Variants in PCDH15 observed in about 807,000 individuals in gnomAD.
PCDH15 encodes protocadherin-15.
In PCDH15, 129 loss-of-function variants were observed where a neutral mutation model predicts 178.5. The observed-to-expected ratio is 0.72, with a 90% CI of 0.63 to 0.84. The LOEUF is 0.84. Among genes scored for constraint, PCDH15 ranks in the 40% least tolerant of loss-of-function variants. PCDH15 has a pLI of 0.00. For synonymous variants in PCDH15, 800 were observed against 732.0 expected (o/e 1.09, Z -1.50); for missense variants, 2,230 against 2,099.9 (o/e 1.06, Z -1.21).
At position 53,823,110 on chromosome 10, in the gene PCDH15, T is replaced by A. The variant is rs780662896; in HGVS notation, c.4368-2880A>T. On this transcript the variant is annotated intron_variant, in intron 32 of 37. Coordinates refer to ENST00000644397, the MANE Select transcript of PCDH15 (RefSeq NM_001384140.1). The stretch of plus-strand genomic sequence containing the variant: ...ATCTGTTCTCTGTGAAATGTCTGAA[T>A]TTGTTGATACTTGACTTATGTTTTC... 1.9e-6 allele frequency: 3 copies of A among 1,614,034 alleles called. No individual in the cohort carries two copies. The highest frequency in any genetic ancestry group is 2.5e-6 in the Non-Finnish European group (3 of 1,179,960).
At chr10:54,291,605 TCAAA>T (rs2059411963) in intron 8 of PCDH15, among the ~76,000 whole-genome samples, 2 of 151,826 alleles carry the variant, frequency 1.3e-5, no homozygotes, top group African/African-American at 4.8e-5. Context: ...GAGAGAAGAA[TCAAA>T]CAGACACAAT....
At chr10:55,009,736 A>C (rs1457177497) in intron 2 of PCDH15, among the ~76,000 whole-genome samples, 1 of 152,302 alleles carries the variant, frequency 6.6e-6, no homozygotes, top group Middle Eastern at 3.4e-3. Context: ...TTAACTTTGC[A>C]ATCGAAAACT....
chr10:54,787,572 A>T (rs1729858633), intron 1 of PCDH15, among the ~76,000 whole-genome samples: 1 of 151,868 alleles, frequency 6.6e-6, no homozygotes, highest in Non-Finnish European at 1.5e-5. Context: ...TCTAAAAGTG[A>T]CTCTTCTCCA....
rs373297399 is a variant in PCDH15, at chr10:54,993,778, T to C, written c.-79-96278A>G. ...AAGAGAGGAATTAGTAATACAGAAA[T>C]GAGAAAATCTACAGTGAAAATATAT... On this transcript the variant is annotated intron_variant, in intron 2 of 5. Transcript: ENST00000458638. 1.8e-4 allele frequency among the ~76,000 whole-genome samples: 27 copies of C among 152,154 alleles called. No individual in the cohort carries two copies. The South Asian group carries it at 2.1e-3, about 12-fold the overall frequency.
chr10:54,179,677 G>C (rs1036074635), intron 13 of PCDH15, among the ~76,000 whole-genome samples: 1 of 152,102 alleles, frequency 6.6e-6, no homozygotes, highest in African/African-American at 2.4e-5. Flanking sequence ...TATTAGAACT[G>C]TTTCAATTTC....
chr10:53,823,457 A>G, intron 32 of PCDH15: 1 of 1,135,812 alleles, frequency 8.8e-7, no homozygotes, highest in South Asian at 1.2e-5. Context: ...TTAAATACTT[A>G]AAAACATCAA....
chr10:55,363,526 A>C (rs1845279700), intron 2 of PCDH15, among the ~76,000 whole-genome samples: 1 of 152,198 alleles, frequency 6.6e-6, no homozygotes, highest in African/African-American at 2.4e-5. Context: ...CTGACCCACT[A>C]TCTTTACATT....
intron 2 of PCDH15, among the ~76,000 whole-genome samples, chr10:55,029,705 A>G (rs1840561807): frequency 1.3e-5 from 2 of 152,092 alleles, no homozygotes; most frequent in East Asian, 1.9e-4. Context: ...ATTCTTGTGT[A>G]TTTGAATTCG....
In PCDH15 at chr10:54,151,822, A is replaced by G. The variant is rs1413301919; in HGVS notation, c.1784+1278T>C. ...AAAAACACTGAACTAGCTTATTTAA[A>G]GTCAAAGAGAAAACTTAACAGAAGG... On this transcript the variant is annotated intron_variant, in intron 14 of 37. Transcript: ENST00000644397. Among the ~76,000 whole-genome samples, 5 of 152,268 alleles carry G rather than the reference A, an allele frequency of 3.3e-5. No homozygotes were observed. The South Asian group carries it at 6.2e-4, about 19-fold the overall frequency.
chr10:54,116,091 G>A (rs112480227), intron 15 of PCDH15, among the ~76,000 whole-genome samples: 47 of 152,174 alleles, frequency 3.1e-4, no homozygotes, highest in African/African-American at 1.1e-3. Flanking sequence ...CTGGGAGTAT[G>A]GAAAAAGTCC....
intron 3 of PCDH15, among the ~76,000 whole-genome samples, chr10:54,815,154 T>C (rs1952928705): frequency 6.6e-6 from 1 of 151,900 alleles, no homozygotes; most frequent in Non-Finnish European, 1.5e-5. Flanking sequence ...GTTTTTTTTT[T>C]TATATTTGTG....
intron 2 of PCDH15, among the ~76,000 whole-genome samples, chr10:54,981,205 C>T (rs1320078692): frequency 6.6e-6 from 1 of 152,108 alleles, no homozygotes; most frequent in African/African-American, 2.4e-5. Flanking sequence ...CAATACATTT[C>T]ATAGCAGTAG....
rs115006207 is a variant in PCDH15 at position 54,208,195 on chromosome 10, T to C, written c.1098+5741A>G. On this transcript the variant is annotated intron_variant, in intron 10 of 37. Transcript: ENST00000644397. Reference sequence around the variant, plus strand: ...CATGGAAAGATTGCTATTTCATTACTAATAACAAGTAATGCCTGAAATTTC... The same window carrying C: ...CATGGAAAGATTGCTATTTCATTACCAATAACAAGTAATGCCTGAAATTTC... Among the ~76,000 whole-genome samples, 940 of 152,192 alleles carry C rather than the reference T, an allele frequency of 6.2e-3. 9 individuals carry two copies. Among genetic ancestry groups the C allele is most frequent in the African/African-American group, 0.019 (774 of 41,550 alleles).
chr10:54,032,560 A>T (rs1177237395), intron 18 of PCDH15, among the ~76,000 whole-genome samples: 1 of 152,054 alleles, frequency 6.6e-6, no homozygotes, highest in Non-Finnish European at 1.5e-5. Context: ...AAAATTGCCA[A>T]TTAGTATTTA....
intron 1 of PCDH15, among the ~76,000 whole-genome samples, chr10:54,784,702 A>G (rs1252490465): frequency 6.7e-6 from 1 of 149,638 alleles, no homozygotes; most frequent in African/African-American, 2.6e-5. Flanking sequence ...AATCCAAGGA[A>G]AATTGTGGTG....
At chr10:54,241,180 A>T (rs892935707) in intron 8 of PCDH15, among the ~76,000 whole-genome samples, 1 of 152,144 alleles carries the variant, frequency 6.6e-6, no homozygotes, top group Non-Finnish European at 1.5e-5. Flanking sequence ...CAAAAAGGAG[A>T]TTGATTCAGT....
At chr10:54,137,991 C>T (rs1479240349) in intron 14 of PCDH15, among the ~76,000 whole-genome samples, 1 of 152,112 alleles carries the variant, frequency 6.6e-6, no homozygotes, top group Non-Finnish European at 1.5e-5. Context: ...AGCAGCTACC[C>T]CCAACTACAT....
At chr10:53,831,198 G>T in intron 30 of PCDH15, 117 bp downstream of exon 30, 1 of 944,506 alleles carries the variant, frequency 1.1e-6, no homozygotes, top group South Asian at 1.3e-5. Context: ...GACAGATAAA[G>T]CAATCTCAGA....
intron 2 of PCDH15, among the ~76,000 whole-genome samples, chr10:55,584,197 ACT>A (rs762672277): frequency 2.6e-5 from 4 of 152,120 alleles, no homozygotes; most frequent in Non-Finnish European, 5.9e-5. Flanking sequence ...AAAAATAAAT[ACT>A]TTTTTATTAT....
Sources: allele counts gnomAD v4.1 joint callset (sites outside exome capture counted in the v4.1 genomes callset), GRCh38; gene constraint gnomAD v4.1.1; transcripts MANE v1.5; gene names NCBI Gene and HGNC (gene_info 2026-07-23, HGNC 2026-07-21).